The following RTN3 variants were observed in gnomAD, a reference collection of about 807,000 sequenced individuals.
The protein encoded by RTN3 is reticulon-3.
A neutral mutation model predicts 77.8 loss-of-function variants in RTN3; 49 were observed. The observed-to-expected ratio is 0.63, with a 90% confidence interval of 0.50 to 0.80. RTN3 has a LOEUF of 0.80. Ranked by LOEUF, RTN3 falls within the 30% of genes least tolerant of loss-of-function variation. The pLI, the probability that RTN3 is intolerant of heterozygous loss-of-function variation, is 0.00. For synonymous variants in RTN3, 464 were observed against 446.9 expected, an observed-to-expected ratio of 1.04 and a Z score of -0.48; for missense variants, 1,236 against 1,211.9, an observed-to-expected ratio of 1.02 and a Z score of -0.29.
intron 3 of RTN3, among the ~76,000 whole-genome samples, chr11:63,722,810 G>A (rs2011915988): frequency 6.6e-6 from 1 of 152,188 alleles, no homozygotes; most frequent in African/African-American, 2.4e-5. Context: ...AGGATGTAAA[G>A]TGAAGTAGAT....
intron 1 of RTN3, among the ~76,000 whole-genome samples, chr11:63,682,578 A>G (rs961996793): frequency 6.8e-6 from 1 of 148,120 alleles, no homozygotes; most frequent in Non-Finnish European, 1.5e-5. Flanking sequence ...AGCTATCAAC[A>G]TGTTTTGATT....
intron 1 of RTN3, among the ~76,000 whole-genome samples, chr11:63,691,007 G>A (rs1183454608): frequency 6.6e-6 from 1 of 150,804 alleles, no homozygotes; most frequent in African/African-American, 2.4e-5. Context: ...CCCCATATCT[G>A]TTAGCAGTAA....
At chr11:63,697,619 G>A (rs1942031889) in intron 1 of RTN3, among the ~76,000 whole-genome samples, 1 of 151,990 alleles carries the variant, frequency 6.6e-6, no homozygotes, top group Non-Finnish European at 1.5e-5. Flanking sequence ...GGGATTATGG[G>A]CACCTGCCAC....
At chr11:63,685,870 G>A (rs1004806145) in intron 1 of RTN3, among the ~76,000 whole-genome samples, 1 of 152,104 alleles carries the variant, frequency 6.6e-6, no homozygotes, top group Non-Finnish European at 1.5e-5. Flanking sequence ...AGAAGTATTA[G>A]TTACTATATA....
chr11:63,693,614 G>A (rs992261468), intron 1 of RTN3, among the ~76,000 whole-genome samples: 1 of 152,068 alleles, frequency 6.6e-6, no homozygotes, highest in Non-Finnish European at 1.5e-5. Flanking sequence ...CTTATAATTC[G>A]TAATTTCTAT....
chr11:63,699,675 C>G lies in RTN3; in HGVS notation c.143-5176C>G, dbSNP rs984618973. The stretch of plus-strand genomic sequence containing the variant: ...AATCTGGCCAATTGTTCCTTCTCCC[C>G]AGAATGCCTTTCCCTTCCTTGTTCA... On this transcript the variant is annotated intron_variant, in intron 1 of 8. Coordinates refer to ENST00000377819, the MANE Select transcript of RTN3 (RefSeq NM_001265589.2). Among the ~76,000 whole-genome samples, 4 of 152,294 alleles carry G rather than the reference C, an allele frequency of 2.6e-5. No homozygotes were observed. The East Asian group carries it at 5.8e-4, about 22-fold the overall frequency.
chr11:63,757,928 A>ACCACATTG (rs1226675538), intron 8 of RTN3, among the ~76,000 whole-genome samples: 2 of 151,998 alleles, frequency 1.3e-5, no homozygotes, highest in East Asian at 3.9e-4. Flanking sequence ...ACAGGGTTTC[A>ACCACATTG]CCACATTGGC....
intron 3 of RTN3, among the ~76,000 whole-genome samples, chr11:63,725,392 A>AT (rs935619376): frequency 1.3e-5 from 2 of 149,176 alleles, no homozygotes; most frequent in African/African-American, 4.9e-5. Flanking sequence ...ATTCTTTCCT[A>AT]TTTTTTGCTA....
chr11:63,721,612 C>T (rs539137489), intron 3 of RTN3, among the ~76,000 whole-genome samples: 1 of 150,868 alleles, frequency 6.6e-6, no homozygotes, highest in Non-Finnish European at 1.5e-5. Context: ...TTTCTATGCT[C>T]CAGTTATATT....
intron 1 of RTN3, among the ~76,000 whole-genome samples, 185 bp downstream of exon 1, chr11:63,681,963 T>C (rs1297390493): frequency 6.6e-6 from 1 of 151,496 alleles, no homozygotes; most frequent in African/African-American, 2.4e-5. Context: ...GTGCAGGCGG[T>C]GAGGAAATAG....
chr11:63,733,072 T>C (rs1268784606), intron 3 of RTN3, among the ~76,000 whole-genome samples: 1 of 152,008 alleles, frequency 6.6e-6, no homozygotes, highest in African/African-American at 2.4e-5. Flanking sequence ...CCTAGCACTT[T>C]GGGAGGCCGA....
intron 3 of RTN3, among the ~76,000 whole-genome samples, chr11:63,748,656 A>G (rs1174341669): frequency 1.2e-5 from 1 of 81,952 alleles, no homozygotes; most frequent in Non-Finnish European, 2.5e-5. Context: ...TGCCAGCCCC[A>G]CTCACTTTTT....
intron 2 of RTN3, among the ~76,000 whole-genome samples, chr11:63,709,977 A>G (rs191376750): frequency 1.0e-3 from 158 of 152,310 alleles, no homozygotes; most frequent in African/African-American, 3.8e-3. Flanking sequence ...GTTTTAAACT[A>G]TTTACTCTTT....
intron 3 of RTN3, among the ~76,000 whole-genome samples, chr11:63,748,972 C>T (rs1350990688): frequency 6.6e-6 from 1 of 152,048 alleles, no homozygotes; most frequent in African/African-American, 2.4e-5. Flanking sequence ...CCGGCCCCCA[C>T]TCACTTTTTT....
intron 2 of RTN3, among the ~76,000 whole-genome samples, chr11:63,712,664 T>G (rs2011192460): frequency 6.6e-6 from 1 of 152,000 alleles, no homozygotes; most frequent in African/African-American, 2.4e-5. Flanking sequence ...TTTTTTGTAT[T>G]TTTAGTAGAG....
intron 3 of RTN3, among the ~76,000 whole-genome samples, chr11:63,730,470 G>T (rs1004831545): frequency 3.3e-5 from 5 of 152,190 alleles, no homozygotes; most frequent in Non-Finnish European, 5.9e-5. Context: ...CCTAATAATG[G>T]CTTCAAAATA....
At chr11:63,706,681 T>C (rs1690208020) in intron 2 of RTN3, among the ~76,000 whole-genome samples, 2 of 152,306 alleles carry the variant, frequency 1.3e-5, no homozygotes, top group Non-Finnish European at 2.9e-5. Flanking sequence ...ATGAAGTAGT[T>C]ATATTGTTCT....
Position 63,720,261 on chromosome 11 carries a change from G to T in RTN3, c.1759G>T (p.Asp587Tyr), listed in dbSNP as rs781179663. Reference protein sequence around the residue: ...ASEAACSKVPDTNVSLEDVSE... With the variant: ...ASEAACSKVPYTNVSLEDVSE... ...TGAGGCAGCATGTTCAAAAGTACCC[G>T]ATACGAATGTCTCCTTAGAAGATGT... is the stretch of plus-strand genomic sequence containing the variant. Residue 587 changes from aspartate (D) to tyrosine (Y), a missense_variant, in exon 3 of 9, where the codon GAT becomes TAT. Asp to Tyr is a radical substitution (Grantham distance 160, BLOSUM62 -3). Transcript: ENST00000377819. The T allele has an allele frequency of 1.3e-5, 21 of 1,613,704 alleles. No individual in the cohort carries two copies. The Admixed American group carries it at 3.3e-4, about 26-fold the overall frequency.
intron 1 of RTN3, among the ~76,000 whole-genome samples, chr11:63,698,977 A>T (rs1287151433): frequency 1.3e-5 from 2 of 152,118 alleles, no homozygotes; most frequent in Non-Finnish European, 2.9e-5. Flanking sequence ...ACTTTTTTAT[A>T]TTGAAAGTTA....
Sources: gnomAD v4.1 joint callset for allele counts (sites outside exome capture counted in the v4.1 genomes callset) on GRCh38, gnomAD v4.1.1 for gene constraint, MANE v1.5 for transcripts, NCBI Gene and HGNC (gene_info 2026-07-23, HGNC 2026-07-21) for gene names.